SLC8A1: variants seen among roughly 807,000 people sequenced by gnomAD.
SLC8A1 encodes the protein sodium/calcium exchanger 1.
A neutral mutation model predicts 68.3 loss-of-function variants in SLC8A1; 18 were observed. The observed-to-expected ratio is 0.26, with a 90% CI of 0.18 to 0.39. The LOEUF (loss-of-function observed/expected upper bound fraction) is 0.39. Ranked by LOEUF, SLC8A1 falls within the 10% of genes least tolerant of loss-of-function variation. The probability of loss-of-function intolerance (pLI) is 1.00; values close to 1 mark genes in which losing one functional copy is unlikely to be tolerated. For synonymous variants in SLC8A1, 475 were observed against 415.5 expected (o/e 1.14, Z -1.74); for missense variants, 985 against 1,156.7 (o/e 0.85, Z 2.15).
chr2:40,132,478 G>C (rs1436770280), intron 7 of SLC8A1, among the ~76,000 whole-genome samples: 1 of 151,938 alleles, frequency 6.6e-6, no homozygotes, highest in East Asian at 1.9e-4. Flanking sequence ...GCCTCTTGGA[G>C]TATGTAGCAT....
chr2:40,140,415 C>G (rs2041328541), intron 6 of SLC8A1, among the ~76,000 whole-genome samples: 1 of 152,196 alleles, frequency 6.6e-6, no homozygotes, highest in African/African-American at 2.4e-5. Context: ...CTGACCTCCC[C>G]CCAAACCCAT....
At chr2:40,121,144 G>C (rs1006817371) in intron 7 of SLC8A1, among the ~76,000 whole-genome samples, 8 of 152,198 alleles carry the variant, frequency 5.3e-5, no homozygotes, top group Non-Finnish European at 1.2e-4. Context: ...AAACTAAGAA[G>C]CCATGACTGT....
At chr2:40,357,759 A>G (rs1016596472) in intron 2 of SLC8A1, among the ~76,000 whole-genome samples, 7 of 152,256 alleles carry the variant, frequency 4.6e-5, no homozygotes, top group African/African-American at 7.2e-5. Flanking sequence ...ACTGGATGCT[A>G]ATCAAATGGA....
At chr2:40,199,467 A>T (rs1047182360) in intron 2 of SLC8A1, among the ~76,000 whole-genome samples, 12 of 151,602 alleles carry the variant, frequency 7.9e-5, no homozygotes, top group African/African-American at 2.9e-4. Flanking sequence ...ACTGCAGGTG[A>T]TCAAAACTCT....
At chr2:40,226,464 A>C (rs116419549) in intron 2 of SLC8A1, among the ~76,000 whole-genome samples, 1 of 152,104 alleles carries the variant, frequency 6.6e-6, no homozygotes. Flanking sequence ...AGGCACAGGG[A>C]AAGTCTAGAA....
intron 2 of SLC8A1, among the ~76,000 whole-genome samples, chr2:40,364,444 G>T (rs1293892750): frequency 8.8e-6 from 1 of 114,232 alleles, no homozygotes; most frequent in Non-Finnish European, 1.7e-5. Flanking sequence ...AGTATGGCAA[G>T]TAAAACAAAA....
In SLC8A1 at chr2:40,417,870, T is replaced by TACACACACACACACACACACAC. The variant is rs70957174; in HGVS notation, c.1808+10581_1808+10602dup. 3.0e-3 allele frequency among the ~76,000 whole-genome samples: 439 copies of TACACACACACACACACACACAC among 147,256 alleles called. 1 individual carries two copies. Among genetic ancestry groups the TACACACACACACACACACACAC allele is most frequent in the East Asian group, 0.013 (67 of 5,020 alleles). ...CAGGCACACTGATAGCTTGGATGGATACACACACACACACACACACACACA... is the reference window on the plus strand; with the variant it reads ...CAGGCACACTGATAGCTTGGATGGATACACACACACACACACACACACACACACACACACACACACACACACA... On this transcript the variant is annotated intron_variant, in intron 2 of 7. Transcript: ENST00000406785.
chr2:40,452,103 T>TGC (rs1702627679), upstream of SLC8A1: 1 of 148,722 alleles, frequency 6.7e-6, no homozygotes, highest in Non-Finnish European at 1.5e-5. Flanking sequence ...CGGGCAGCGG[T>TGC]GCGCGCGGGC....
At chr2:40,279,890 T>A (rs906033805) in intron 2 of SLC8A1, among the ~76,000 whole-genome samples, 2 of 152,256 alleles carry the variant, frequency 1.3e-5, no homozygotes, top group African/African-American at 4.8e-5. Context: ...TCAGCTCTCC[T>A]ACATTTTCTT....
At chr2:40,345,720 C>T (rs543693309) in intron 2 of SLC8A1, among the ~76,000 whole-genome samples, 1 of 152,218 alleles carries the variant, frequency 6.6e-6, no homozygotes, top group African/African-American at 2.4e-5. Flanking sequence ...TGGAAACCAT[C>T]ATTCTCAGCC....
chr2:40,262,389 T>A (rs1230035931), intron 2 of SLC8A1, among the ~76,000 whole-genome samples: 1 of 152,228 alleles, frequency 6.6e-6, no homozygotes, highest in African/African-American at 2.4e-5. Context: ...TGGTATAGAT[T>A]TTTATGAGGC....
chr2:40,298,153 A>C (rs1448534854), intron 2 of SLC8A1, among the ~76,000 whole-genome samples: 4 of 152,162 alleles, frequency 2.6e-5, no homozygotes, highest in Non-Finnish European at 5.9e-5. Flanking sequence ...AAGTGTTGGG[A>C]TTACAGGTGT....
chr2:40,429,356 C>G, exon 2 of SLC8A1: 1 of 1,613,904 alleles, frequency 6.2e-7, no homozygotes, highest in Non-Finnish European at 8.5e-7. Flanking sequence ...ACCTCCAGAA[C>G]CAGAGCACCA....
chr2:40,353,430 T>C (rs57008148), intron 2 of SLC8A1, among the ~76,000 whole-genome samples: 4 of 152,046 alleles, frequency 2.6e-5, no homozygotes, highest in Non-Finnish European at 5.9e-5. Flanking sequence ...CCAAGGCCTG[T>C]AGATTTTTCA....
chr2:40,167,311 A>G (rs1221492282), intron 4 of SLC8A1, among the ~76,000 whole-genome samples: 1 of 152,050 alleles, frequency 6.6e-6, no homozygotes, highest in Non-Finnish European at 1.5e-5. Flanking sequence ...AGCACTTGCC[A>G]TCATCTAGCT....
chr2:40,346,913 G>A (rs1172045011), intron 2 of SLC8A1, among the ~76,000 whole-genome samples: 1 of 151,682 alleles, frequency 6.6e-6, no homozygotes, highest in Non-Finnish European at 1.5e-5. Flanking sequence ...TACTCCCCTG[G>A]GTAATCAGCC....
chr2:40,119,545 C>A (rs2036303333), intron 7 of SLC8A1, among the ~76,000 whole-genome samples: 1 of 152,152 alleles, frequency 6.6e-6, no homozygotes, highest in Non-Finnish European at 1.5e-5. Flanking sequence ...CTGTAACCTG[C>A]CTATGGTTAA....
chr2:40,340,281 C>T, intron 2 of SLC8A1, among the ~76,000 whole-genome samples: 1 of 152,140 alleles, frequency 6.6e-6, no homozygotes, highest in East Asian at 1.9e-4. Context: ...GGAGTCAAGG[C>T]CAGGTGCGGT....
exon 2 of SLC8A1, chr2:40,429,873 G>A (rs1191589776): frequency 4.8e-5 from 78 of 1,613,460 alleles, no homozygotes; most frequent in Non-Finnish European, 6.4e-5. Context: ...TCAAGGTCAG[G>A]TTAGAAACTG....
Sources: gnomAD v4.1 joint callset for allele counts (sites outside exome capture counted in the v4.1 genomes callset) on GRCh38, gnomAD v4.1.1 for gene constraint, MANE v1.5 for transcripts, NCBI Gene and HGNC (gene_info 2026-07-23, HGNC 2026-07-21) for gene names.